LARGE1: variants seen among roughly 807,000 people sequenced by gnomAD.
The protein encoded by LARGE1 is LARGE xylosyl- and glucuronyltransferase 1, also known as xylosyl- and glucuronyltransferase LARGE1.
Under a neutral mutation model 87.6 loss-of-function variants are expected in LARGE1, and 43 were observed. That is an observed-to-expected ratio of 0.49 (90% CI 0.38 to 0.63). The LOEUF is 0.63. LARGE1 is among the 30% of genes least tolerant of loss of function. LARGE1 has a pLI of 0.00. For synonymous variants in LARGE1, 434 were observed against 394.6 expected, an observed-to-expected ratio of 1.10 and a Z score of -1.18; for missense variants, 802 against 1,000.2, an observed-to-expected ratio of 0.80 and a Z score of 2.67.
chr22:33,806,555 G>A (rs2086315517), intron 1 of LARGE1, among the ~76,000 whole-genome samples: 1 of 152,144 alleles, frequency 6.6e-6, no homozygotes, highest in Non-Finnish European at 1.5e-5. Flanking sequence ...CCTGCAATGT[G>A]ACATCTCCTC....
At chr22:33,107,062 C>G in the LARGE1 span, among the ~76,000 whole-genome samples, 3 of 152,294 alleles carry the variant, frequency 2.0e-5, no homozygotes, top group Non-Finnish European at 4.4e-5. Context: ...GGCCACTTAA[C>G]TGAAAATACT....
chr22:33,734,557 C>T (rs547945576), intron 2 of LARGE1, among the ~76,000 whole-genome samples: 4 of 152,270 alleles, frequency 2.6e-5, no homozygotes, highest in South Asian at 4.1e-4. Context: ...CTTTGAAACA[C>T]TCTTTGTTCA....
At chr22:33,278,102 G>T (rs1381736610) in intron 13 of LARGE1, among the ~76,000 whole-genome samples, 1 of 152,202 alleles carries the variant, frequency 6.6e-6, no homozygotes, top group African/African-American at 2.4e-5. Flanking sequence ...GAAAATGGGA[G>T]ATGATTGAAT....
At chr22:33,189,202 A>ACAACATCCTGATAAGAATTAG (rs1310245901) in intron 11 of LARGE1, among the ~76,000 whole-genome samples, 34 of 152,300 alleles carry the variant, frequency 2.2e-4, no homozygotes, top group Non-Finnish European at 3.5e-4. Context: ...GCCTCACAGG[A>ACAACATCCTGATAAGAATTAG]CAACATCCTG....
intron 3 of LARGE1, among the ~76,000 whole-genome samples, chr22:33,635,616 G>A (rs959403816): frequency 6.6e-6 from 1 of 152,112 alleles, no homozygotes; most frequent in African/African-American, 2.4e-5. Context: ...AGCTGAAGAA[G>A]GTGAGACACA....
At chr22:33,410,689 G>A (rs1198778130) in intron 7 of LARGE1, among the ~76,000 whole-genome samples, 1 of 151,682 alleles carries the variant, frequency 6.6e-6, no homozygotes, top group Non-Finnish European at 1.5e-5. Context: ...TTATAGCAGT[G>A]TGAGAATGGA....
chr22:33,820,972 G>A (rs769705186), intron 1 of LARGE1, among the ~76,000 whole-genome samples: 8 of 152,062 alleles, frequency 5.3e-5, no homozygotes, highest in East Asian at 3.9e-4. Context: ...ACATTTACTC[G>A]TCAGTTTCAC....
Position 33,379,200 on chromosome 22 carries a change from A to G in LARGE1, c.1131+2719T>C, listed in dbSNP as rs576425824. Among the ~76,000 whole-genome samples, 5 of 150,454 alleles carry G rather than the reference A, an allele frequency of 3.3e-5. No individual in the cohort carries two copies. In the East Asian group the frequency reaches 9.7e-4, roughly 29 times the overall value. The stretch of plus-strand genomic sequence containing the variant: ...TTTTTTTTTTTTTTGAGTGTCGTAA[A>G]GTCTTTATTTTATGAAAGAAGTCAC... On this transcript the variant is annotated intron_variant, in intron 9 of 14. Transcript: ENST00000397394.
chr22:33,107,101 C>A, the LARGE1 span, among the ~76,000 whole-genome samples: 1 of 152,194 alleles, frequency 6.6e-6, no homozygotes, highest in African/African-American at 2.4e-5. Flanking sequence ...GAGACTAAAT[C>A]ATTACTGAAG....
At chr22:33,494,345 T>C (rs530237857) in intron 6 of LARGE1, among the ~76,000 whole-genome samples, 1 of 152,314 alleles carries the variant, frequency 6.6e-6, no homozygotes, top group Non-Finnish European at 1.5e-5. Flanking sequence ...TGAGGACGTT[T>C]CCCTTGGTTA....
intron 4 of LARGE1, among the ~76,000 whole-genome samples, chr22:33,621,766 T>G (rs2079762243): frequency 6.6e-6 from 1 of 152,154 alleles, no homozygotes; most frequent in African/African-American, 2.4e-5. Context: ...TCATTCCCAT[T>G]TGTATAATTT....
chr22:33,788,375 T>C (rs980967707), intron 1 of LARGE1, among the ~76,000 whole-genome samples: 2 of 152,232 alleles, frequency 1.3e-5, no homozygotes, highest in African/African-American at 2.4e-5. Flanking sequence ...CTTGGGTGTA[T>C]CTTTATTAGC....
intron 1 of LARGE1, among the ~76,000 whole-genome samples, chr22:33,783,234 GA>G (rs879651892): frequency 2.0e-4 from 29 of 143,594 alleles, no homozygotes; most frequent in African/African-American, 2.3e-4. Flanking sequence ...TGTTTCTTCA[GA>G]AAAAAAAAAA....
intron 6 of LARGE1, among the ~76,000 whole-genome samples, chr22:33,557,150 T>C (rs1234139796): frequency 2.6e-5 from 4 of 152,228 alleles, no homozygotes; most frequent in East Asian, 1.9e-4. Flanking sequence ...CTCATTTTTA[T>C]AGAACAACAA....
At chr22:33,402,462 C>T (rs2065956377) in intron 7 of LARGE1, among the ~76,000 whole-genome samples, 1 of 152,140 alleles carries the variant, frequency 6.6e-6, no homozygotes, top group Non-Finnish European at 1.5e-5. Context: ...AATACAGTCA[C>T]CTCCCCAGTG....
At chr22:33,259,772 T>C (rs1927521761) in intron 11 of LARGE1, among the ~76,000 whole-genome samples, 1 of 152,168 alleles carries the variant, frequency 6.6e-6, no homozygotes, top group African/African-American at 2.4e-5. Context: ...TTCCAGAAGT[T>C]AGAGAAGACC....
At chr22:33,550,624 A>G (rs1302588164) in intron 6 of LARGE1, among the ~76,000 whole-genome samples, 2 of 152,208 alleles carry the variant, frequency 1.3e-5, no homozygotes, top group African/African-American at 4.8e-5. Context: ...AAATTAGAAG[A>G]AAACAGTATG....
chr22:33,300,129 T>TG (rs1337641878), intron 12 of LARGE1, among the ~76,000 whole-genome samples: 1 of 152,312 alleles, frequency 6.6e-6, no homozygotes, highest in African/African-American at 2.4e-5. Context: ...TCTGGTACCC[T>TG]GGGGGTTTGG....
the LARGE1 span, among the ~76,000 whole-genome samples, chr22:33,092,355 C>A: frequency 6.6e-6 from 1 of 152,002 alleles, no homozygotes; most frequent in African/African-American, 2.4e-5. Flanking sequence ...GAGTCATGGG[C>A]AAGTCCTATG....
Sources: gnomAD v4.1 joint callset for allele counts (sites outside exome capture counted in the v4.1 genomes callset) on GRCh38, gnomAD v4.1.1 for gene constraint, MANE v1.5 for transcripts, NCBI Gene and HGNC (gene_info 2026-07-23, HGNC 2026-07-21) for gene names.